The following PI15 variants were observed in gnomAD, a reference collection of about 807,000 sequenced individuals.
PI15 encodes peptidase inhibitor 15, also known as 25 kDa trypsin inhibitor.
Under a neutral mutation model 31.0 loss-of-function variants are expected in PI15, and 18 were observed. That is an observed-to-expected ratio of 0.58 (90% CI 0.40 to 0.86). The LOEUF (loss-of-function observed/expected upper bound fraction) is 0.86. Among genes scored for constraint, PI15 ranks in the 40% least tolerant of loss-of-function variants. PI15 has a pLI of 0.00. For synonymous variants in PI15, 118 were observed against 119.1 expected (o/e 0.99, Z 0.06); for missense variants, 282 against 328.1 (o/e 0.86, Z 1.09).
intron 3 of PI15, 94 bp downstream of exon 3, chr8:74,844,193 A>T: frequency 1.3e-6 from 1 of 744,090 alleles, no homozygotes; most frequent in Non-Finnish European, 2.5e-6. Flanking sequence ...TAATATCAAC[A>T]AATTCTTATT....
At chr8:74,829,690 A>G (rs1810752992) in intron 2 of PI15, among the ~76,000 whole-genome samples, 1 of 152,180 alleles carries the variant, frequency 6.6e-6, no homozygotes, top group Non-Finnish European at 1.5e-5. Flanking sequence ...CACTAAGGAT[A>G]TAATTCAGTA....
In PI15 at chr8:74,852,025, C is replaced by G. The variant is rs536542825; in HGVS notation, c.*2772C>G. 6.6e-6 allele frequency: 1 copy of G among 152,622 alleles called. No homozygotes were observed. The highest frequency in any genetic ancestry group is 2.1e-4 in the South Asian group (1 of 4,828). The allele number at this position is 152,622 out of a possible 1,614,324, so 9.5% of individuals were successfully genotyped here. A position where few individuals can be genotyped will look rare whatever the true frequency, so the allele number is the denominator to read the frequency against. ...TGAAAGTTTGCTGGTATCAACACAG[C>G]CTGCCATATTTTTCACAGCATGCAA... On this transcript the variant is annotated 3_prime_UTR_variant, in exon 6 of 6. Transcript: ENST00000260113.
At chr8:74,845,011 G>GTGC in intron 3 of PI15, 117 bp from the exon 4 acceptor site, 2 of 843,538 alleles carry the variant, frequency 2.4e-6, no homozygotes, top group Non-Finnish European at 3.8e-6. Flanking sequence ...AGGGGTGGAT[G>GTGC]TGCTCTTGGA....
chr8:74,831,718 G>A (rs555322264), intron 2 of PI15, among the ~76,000 whole-genome samples: 1 of 151,870 alleles, frequency 6.6e-6, no homozygotes, highest in Admixed American at 6.6e-5. Context: ...GATGTGGAGT[G>A]GGGGTAAGAA....
intron 2 of PI15, among the ~76,000 whole-genome samples, chr8:74,827,867 C>T (rs1011880977): frequency 9.9e-5 from 15 of 152,106 alleles, no homozygotes; most frequent in African/African-American, 3.4e-4. Context: ...GTGCTGATTA[C>T]ATAGTAGGTG....
At chr8:74,836,239 T>C (rs114807381) in intron 2 of PI15, among the ~76,000 whole-genome samples, 1,929 of 152,274 alleles carry the variant, frequency 0.013, 41 homozygotes, top group African/African-American at 0.043. Context: ...GAAAACACCA[T>C]AGACAACATG....
At chr8:74,848,203 A>T (rs963595463) in intron 5 of PI15, among the ~76,000 whole-genome samples, 1 of 152,198 alleles carries the variant, frequency 6.6e-6, no homozygotes, top group Non-Finnish European at 1.5e-5. Flanking sequence ...AATTTAAAAC[A>T]ATTAGTAGCT....
At chr8:74,825,594 C>T in intron 2 of PI15, 72 bp downstream of exon 2, 1 of 1,237,824 alleles carries the variant, frequency 8.1e-7, no homozygotes, top group Non-Finnish European at 1.1e-6. Flanking sequence ...TGCAGAATCT[C>T]AAACGACCAC....
intron 2 of PI15, among the ~76,000 whole-genome samples, chr8:74,843,654 C>T (rs539927741): frequency 2.0e-5 from 3 of 152,152 alleles, no homozygotes; most frequent in Admixed American, 6.5e-5. Context: ...GCTTGAGGCT[C>T]GGAGTTCGTG....
At chr8:74,836,136 A>C (rs540198318) in intron 2 of PI15, among the ~76,000 whole-genome samples, 3 of 152,316 alleles carry the variant, frequency 2.0e-5, no homozygotes, top group Admixed American at 6.5e-5. Flanking sequence ...GCAACCAGTA[A>C]ACTTTTTCTG....
At chr8:74,828,095 T>C (rs1003061178) in intron 2 of PI15, among the ~76,000 whole-genome samples, 1 of 152,256 alleles carries the variant, frequency 6.6e-6, no homozygotes, top group East Asian at 1.9e-4. Context: ...AAAATAGACA[T>C]CTTTGGCTCC....
In PI15 at chr8:74,849,176, C is replaced by A; in HGVS notation, c.700C>A (p.Pro234Thr). Reference sequence around the variant, plus strand: ...AGGGGTACCATGTTCATCTTGTCCTCCAAGTTATGGGGGATCTTGTACTGA... The same window carrying A: ...AGGGGTACCATGTTCATCTTGTCCTACAAGTTATGGGGGATCTTGTACTGA... ...KVGVPCSSCP[P>T]SYGGSCTDNL... Residue 234 changes from proline (P) to threonine (T), a missense_variant, in exon 6 of 6, where the codon CCA becomes ACA. By Grantham distance (38) the Pro-to-Thr change is conservative. Transcript: ENST00000260113. 6.2e-7 allele frequency: 1 copy of A among 1,612,482 alleles called. No homozygotes were observed. The highest frequency in any genetic ancestry group is 8.5e-7 in the Non-Finnish European group (1 of 1,178,658).
At chr8:74,843,546 G>A (rs899974067) in intron 2 of PI15, among the ~76,000 whole-genome samples, 2 of 152,080 alleles carry the variant, frequency 1.3e-5, no homozygotes, top group South Asian at 4.2e-4. Context: ...TGACCAATTT[G>A]GTGAAACTCT....
intron 5 of PI15, among the ~76,000 whole-genome samples, chr8:74,846,448 G>C (rs1283400050): frequency 6.6e-6 from 1 of 152,058 alleles, no homozygotes; most frequent in Non-Finnish European, 1.5e-5. Context: ...TTTACACATT[G>C]CATTTTCCTA....
At chr8:74,828,727 T>G (rs571282807) in intron 2 of PI15, among the ~76,000 whole-genome samples, 1 of 152,222 alleles carries the variant, frequency 6.6e-6, no homozygotes, top group South Asian at 2.1e-4. Flanking sequence ...TTCTCCTCAG[T>G]GAGTGATATC....
At chr8:74,826,378 A>G (rs1036542118) in intron 2 of PI15, 3 of 509,792 alleles carry the variant, frequency 5.9e-6, no homozygotes, top group Admixed American at 1.3e-4. Context: ...AGGGGGTACC[A>G]CTAACAGTTT....
In PI15 at chr8:74,853,558, C is replaced by T. The variant is rs1022650354; in HGVS notation, c.*4305C>T. 6.6e-6 allele frequency: 1 copy of T among 152,432 alleles called. No individual in the cohort carries two copies. Among genetic ancestry groups the T allele is most frequent in the Non-Finnish European group, 1.5e-5 (1 of 67,964 alleles). 9.4% of individuals were successfully genotyped at this position (152,432 alleles called of 1,614,324 possible). A position where few individuals can be genotyped will look rare whatever the true frequency, so the allele number is the denominator to read the frequency against. ...AATATCACCTAAACTGGTTAGATTA[C>T]TTCTACAGCTAATAATATTGCAGGC... On this transcript the variant is annotated 3_prime_UTR_variant, in exon 6 of 6. Transcript: ENST00000260113.
rs1456016073 is a variant in PI15 at position 74,854,007 on chromosome 8, T to C, written c.*4754T>C. 2 of 151,976 alleles carry C rather than the reference T, an allele frequency of 1.3e-5. No homozygotes were observed. The highest frequency in any genetic ancestry group is 2.9e-5 in the Non-Finnish European group (2 of 67,908). The allele number at this position is 151,976 out of a possible 1,614,324, so 9.4% of individuals were successfully genotyped here. A position where few individuals can be genotyped will look rare whatever the true frequency, so the allele number is the denominator to read the frequency against. On this transcript the variant is annotated 3_prime_UTR_variant, in exon 6 of 6. Coordinates refer to ENST00000260113, the MANE Select transcript of PI15 (RefSeq NM_015886.5). Reference sequence around the variant, plus strand: ...GTCATAAGAAAAATATATAGAAAAATAATCAATTTCATATATAAAAGGATT... The same window carrying C: ...GTCATAAGAAAAATATATAGAAAAACAATCAATTTCATATATAAAAGGATT...
chr8:74,832,947 A>G (rs1810809083), intron 2 of PI15, among the ~76,000 whole-genome samples: 1 of 152,116 alleles, frequency 6.6e-6, no homozygotes, highest in Non-Finnish European at 1.5e-5. Context: ...AAGTGCATCA[A>G]ATTCACTTTT....
Sources: gnomAD v4.1 joint callset for allele counts (sites outside exome capture counted in the v4.1 genomes callset) on GRCh38, gnomAD v4.1.1 for gene constraint, MANE v1.5 for transcripts, NCBI Gene and HGNC (gene_info 2026-07-23, HGNC 2026-07-21) for gene names.